NCOR2: variants seen among roughly 807,000 people sequenced by gnomAD.
NCOR2 encodes the protein nuclear receptor corepressor 2, also known as CTG repeat protein 26.
In NCOR2, 81 loss-of-function variants were observed where a neutral mutation model predicts 262.9. The ratio of observed to expected loss-of-function variants is 0.31; its 90% confidence interval spans 0.26 to 0.37. The LOEUF is 0.37. Among genes scored for constraint, NCOR2 ranks in the 10% least tolerant of loss-of-function variants. The probability of loss-of-function intolerance (pLI) is 1.00; values close to 1 mark genes in which losing one functional copy is unlikely to be tolerated. For synonymous variants in NCOR2, 1,659 were observed against 1,559.3 expected, an observed-to-expected ratio of 1.06 and a Z score of -1.51; for missense variants, 3,385 against 3,621.4, an observed-to-expected ratio of 0.93 and a Z score of 1.68.
At chr12:124,459,324 G>A (rs773540641) in intron 5 of NCOR2, among the ~76,000 whole-genome samples, 4 of 152,028 alleles carry the variant, frequency 2.6e-5, no homozygotes, top group African/African-American at 9.7e-5. Flanking sequence ...AAAGCCACAG[G>A]GAGCCCCACC....
intron 21 of NCOR2, among the ~76,000 whole-genome samples, chr12:124,362,858 C>T (rs1175666689): frequency 1.3e-5 from 2 of 150,294 alleles, no homozygotes; most frequent in Non-Finnish European, 2.9e-5. Context: ...TGGTGATGGA[C>T]AGGGGGAGTT....
Position 124,429,154 on chromosome 12 carries a change from G to A in NCOR2, c.1149+459C>T, listed in dbSNP as rs1228394492. ...TGGCTGCGTGGACAGCTGGCGTGCT[G>A]GGAACTCTTCGGCCTGCGCCATGCT... is the stretch of plus-strand genomic sequence containing the variant. On this transcript the variant is annotated intron_variant, in intron 10 of 46. Transcript: ENST00000405201. Among the ~76,000 whole-genome samples, 6 of 152,366 alleles carry A rather than the reference G, an allele frequency of 3.9e-5. No homozygotes were observed. The East Asian group carries it at 1.2e-3, about 29-fold the overall frequency.
upstream of NCOR2, among the ~76,000 whole-genome samples, chr12:124,496,291 G>A (rs2048377970): frequency 6.6e-6 from 1 of 150,862 alleles, no homozygotes; most frequent in Non-Finnish European, 1.5e-5. The surrounding 1 kb of genome is among the most constrained non-coding windows in gnomAD (Gnocchi z 4.4). Flanking sequence ...GCCACCTGCT[G>A]GGCTTACAAC....
At chr12:124,528,946 G>T (rs2050628712) in intron 1 of NCOR2, among the ~76,000 whole-genome samples, 1 of 152,190 alleles carries the variant, frequency 6.6e-6, no homozygotes. Flanking sequence ...TTGGGAGGCC[G>T]AGGCGGGCAG....
intron 1 of NCOR2, among the ~76,000 whole-genome samples, chr12:124,543,603 G>C (rs1002466438): frequency 1.9e-4 from 29 of 152,316 alleles, no homozygotes; most frequent in African/African-American, 6.5e-4. Context: ...CCCTCTCCTC[G>C]CTGCGGGGTG....
Position 124,457,659 on chromosome 12 carries a change from T to C in NCOR2, c.706-497A>G, listed in dbSNP as rs1189679064. 6.6e-6 allele frequency among the ~76,000 whole-genome samples: 1 copy of C among 151,778 alleles called. No individual in the cohort carries two copies. Among genetic ancestry groups the C allele is most frequent in the Admixed American group, 6.5e-5 (1 of 15,268 alleles). The stretch of plus-strand genomic sequence containing the variant: ...GATACCCTTTCTAGGATTCTTGTGT[T>C]TCACAATCATGTGATTATTTCTGGG... On this transcript the variant is annotated intron_variant, in intron 5 of 46. Coordinates refer to ENST00000405201, the Ensembl canonical transcript of NCOR2. This position sits in a 1 kb window ranked among gnomAD's most constrained non-coding sequence, Gnocchi z 4.0.
At chr12:124,449,931 C>T (rs1052321876) in intron 6 of NCOR2, 64 bp from the exon 9 acceptor site, 19 of 1,540,874 alleles carry the variant, frequency 1.2e-5, no homozygotes, top group African/African-American at 5.5e-5. Flanking sequence ...CAGAGCCCAC[C>T]GGTAGGAGCC....
chr12:124,466,326 C>A (rs777205199), intron 4 of NCOR2, 40 bp from the exon 7 acceptor site: 3 of 1,577,910 alleles, frequency 1.9e-6, no homozygotes, highest in Middle Eastern at 1.7e-4. Flanking sequence ...AGCACCCCAG[C>A]GGGCGGAAGG....
intron 5 of NCOR2, among the ~76,000 whole-genome samples, chr12:124,460,471 C>A (rs1007729958): frequency 1.3e-5 from 2 of 152,222 alleles, no homozygotes; most frequent in Admixed American, 6.5e-5. Flanking sequence ...CCAGCAGGGC[C>A]CAGCACAGGG....
rs553963513 is a variant in NCOR2, at chr12:124,549,582, G to A, written c.-164-13971C>T. Among the ~76,000 whole-genome samples the A allele has an allele frequency of 2.6e-5, 4 of 152,056 alleles. No individual in the cohort carries two copies. The highest frequency in any genetic ancestry group is 4.8e-5 in the African/African-American group (2 of 41,392). On this transcript the variant is annotated intron_variant, in intron 1 of 32. Transcript: ENST00000458234. This position sits in a 1 kb window ranked among gnomAD's most constrained non-coding sequence, Gnocchi z 4.4. Reference sequence around the variant, plus strand: ...GCTGAGGGAGCCCCAGGACAGAAGCGGTCACACATCATGGGCTCATCATCA... The same window carrying A: ...GCTGAGGGAGCCCCAGGACAGAAGCAGTCACACATCATGGGCTCATCATCA...
In NCOR2 at chr12:124,418,457, G is replaced by A. The variant is rs148532091; in HGVS notation, c.1482+1500C>T. Among the ~76,000 whole-genome samples the A allele has an allele frequency of 1.8e-4, 19 of 108,164 alleles. No individual in the cohort carries two copies. In the East Asian group the frequency reaches 5.5e-3, roughly 31 times the overall value. The allele number at this position is 108,164 out of a possible 152,430, so 71.0% of individuals were successfully genotyped here. ...CAACACCTTATGGGTCTCGACCTCT[G>A]GCAGCCTGGGAAAGGGAAGGCGGGG... On this transcript the variant is annotated intron_variant, in intron 13 of 46. Transcript: ENST00000405201.
intron 21 of NCOR2, 52 bp downstream of exon 23, chr12:124,363,627 G>A: frequency 7.6e-7 from 1 of 1,319,090 alleles, no homozygotes. Context: ...TCAATGAATG[G>A]GAAAGTCAAG....
In NCOR2 at chr12:124,531,256, G is replaced by A. The variant is rs140696106; in HGVS notation, c.-118+4309C>T. 6.6e-6 allele frequency among the ~76,000 whole-genome samples: 1 copy of A among 152,310 alleles called. No homozygotes were observed. The highest frequency in any genetic ancestry group is 2.4e-5 in the African/African-American group (1 of 41,574). ...ATAATAATAATAGAAGGACAGGGAG[G>A]GGGCTGCAGGGATGGGGGCTCTGCA... On this transcript the variant is annotated intron_variant, in intron 1 of 46. Coordinates refer to the NCOR2 transcript ENST00000404621. This position sits in a 1 kb window ranked among gnomAD's most constrained non-coding sequence, Gnocchi z 4.5.
chr12:124,388,686 T>C (rs2041004723), intron 16 of NCOR2: 1 of 1,304,188 alleles, frequency 7.7e-7, no homozygotes, highest in Admixed American at 2.3e-5. Flanking sequence ...CTCACTCACA[T>C]CCTCTCATTC....
At chr12:124,480,830 G>A (rs960997706) in intron 3 of NCOR2, among the ~76,000 whole-genome samples, 2 of 146,940 alleles carry the variant, frequency 1.4e-5, no homozygotes, top group East Asian at 2.1e-4. Context: ...GAGGGGGAGC[G>A]GATGGGGGTA....
At chr12:124,439,281 G>GA (rs2044653977) in intron 7 of NCOR2, among the ~76,000 whole-genome samples, 5 of 74,660 alleles carry the variant, frequency 6.7e-5, no homozygotes, top group Admixed American at 1.7e-4. Context: ...TGAGACAGAG[G>GA]GAGAGAGAGA....
intron 13 of NCOR2, among the ~76,000 whole-genome samples, chr12:124,404,934 C>T (rs1317491852): frequency 1.3e-5 from 2 of 152,232 alleles, no homozygotes. Flanking sequence ...GAGGAGGAAA[C>T]AGGCTCAGAG....
chr12:124,414,307 C>T (rs138882047), intron 13 of NCOR2, among the ~76,000 whole-genome samples: 166 of 152,352 alleles, frequency 1.1e-3, no homozygotes, highest in African/African-American at 3.6e-3. Context: ...GATAATTACA[C>T]ACCTGTCCCC....
intron 11 of NCOR2, among the ~76,000 whole-genome samples, chr12:124,424,059 A>T (rs1328649351): frequency 2.0e-5 from 3 of 152,162 alleles, no homozygotes; most frequent in Non-Finnish European, 2.9e-5. Context: ...AAGTTACGCC[A>T]GCCCCACGGG....
Sources: allele counts gnomAD v4.1 joint callset (sites outside exome capture counted in the v4.1 genomes callset), GRCh38; gene constraint gnomAD v4.1.1; non-coding constraint Gnocchi (gnomAD v3.1); transcripts MANE v1.5; gene names NCBI Gene and HGNC (gene_info 2026-07-23, HGNC 2026-07-21).